Variants in ENOX2 observed in about 807,000 individuals in gnomAD.
The protein encoded by ENOX2 is ecto-NOX disulfide-thiol exchanger 2.
A neutral mutation model predicts 45.0 loss-of-function variants in ENOX2; 36 were observed. The observed-to-expected ratio is 0.80, with a 90% CI of 0.61 to 1.06. ENOX2 has a LOEUF of 1.06. ENOX2 is among the 50% of genes least tolerant of loss of function. The pLI, the probability that ENOX2 is intolerant of heterozygous loss-of-function variation, is 0.00. For missense variants in ENOX2, 423 were observed against 462.5 expected, an observed-to-expected ratio of 0.91 and a Z score of 0.78; for synonymous variants, 174 against 152.3, an observed-to-expected ratio of 1.14 and a Z score of -1.05.
At chrX:130,765,423 A>G (rs950293549) in intron 3 of ENOX2, among the ~76,000 whole-genome samples, 1 of 111,270 alleles carries the variant, frequency 9.0e-6, no homozygotes, top group African/African-American at 3.3e-5. Context: ...TAATCTCAAA[A>G]TTATATGTTT....
At chrX:130,834,656 T>A (rs891825428) in intron 2 of ENOX2, among the ~76,000 whole-genome samples, 4 of 111,394 alleles carry the variant, frequency 3.6e-5, no homozygotes, top group African/African-American at 9.8e-5. Context: ...ACATTGTTGC[T>A]TCCTGCAGAA....
intron 3 of ENOX2, among the ~76,000 whole-genome samples, chrX:130,730,747 G>A (rs941712517): frequency 1.8e-5 from 2 of 109,308 alleles, no homozygotes; most frequent in Non-Finnish European, 3.8e-5. Flanking sequence ...TCGAAGTGGT[G>A]GGGGGCAGAG....
intron 4 of ENOX2, among the ~76,000 whole-genome samples, chrX:130,701,024 T>C (rs1306976831): frequency 8.9e-6 from 1 of 112,344 alleles, no homozygotes; most frequent in East Asian, 2.8e-4. Context: ...GGGTCTGTAA[T>C]GATTGCTTGG....
intron 3 of ENOX2, among the ~76,000 whole-genome samples, chrX:130,737,964 G>C (rs1023304163): frequency 1.8e-5 from 2 of 112,139 alleles, no homozygotes; most frequent in Non-Finnish European, 3.8e-5. Flanking sequence ...GAGAGGACCA[G>C]AGAAGGAGCA....
At chrX:130,672,312 C>A (rs1261750332) in intron 6 of ENOX2, among the ~76,000 whole-genome samples, 2 of 112,320 alleles carry the variant, frequency 1.8e-5, no homozygotes, top group African/African-American at 6.5e-5. Flanking sequence ...TGGGGACCAG[C>A]CTGCCCTCCC....
rs2035893382 is a variant in ENOX2 at position 130,634,975 on chromosome X, T to G, written c.1419+9A>C. On this transcript the variant is annotated intron_variant, in intron 12 of 14. Coordinates refer to ENST00000394363, the MANE Select transcript of ENOX2 (RefSeq NM_006375.4). The stretch of plus-strand genomic sequence containing the variant: ...GGCAAGGAAAAAGGTTCACTTAGGG[T>G]GCATGTACCTTTTCTTTAAGATTTT... The G allele has an allele frequency of 1.0e-6, 1 of 988,629 alleles. No individual in the cohort carries two copies. The highest frequency in any genetic ancestry group is 1.9e-5 in the African/African-American group (1 of 53,129). 81.5% of individuals were successfully genotyped at this position (988,629 alleles called of 1,213,427 possible).
intron 2 of ENOX2, among the ~76,000 whole-genome samples, chrX:130,784,139 T>A (rs933567838): frequency 1.8e-5 from 2 of 111,532 alleles, no homozygotes; most frequent in African/African-American, 6.5e-5. Context: ...AATAGTAATA[T>A]AGGGGTCTCT....
intron 13 of ENOX2, 69 bp from the exon 14 acceptor site, chrX:130,628,112 T>C: frequency 1.4e-6 from 1 of 704,342 alleles, no homozygotes; most frequent in Non-Finnish European, 2.3e-6. Flanking sequence ...TGACAGTGAA[T>C]AGCAAGAGCT....
At chrX:130,731,804 C>G (rs756288356) in intron 3 of ENOX2, among the ~76,000 whole-genome samples, 2 of 111,620 alleles carry the variant, frequency 1.8e-5, no homozygotes, top group Non-Finnish European at 1.9e-5. Context: ...ATTCAACACC[C>G]TTTTTTGATA....
chrX:130,895,466 C>T (rs1305546120), intron 2 of ENOX2, among the ~76,000 whole-genome samples: 1 of 111,800 alleles, frequency 8.9e-6, no homozygotes, highest in East Asian at 2.8e-4. Flanking sequence ...GGGGATTTCT[C>T]CATCCTTATC....
At chrX:130,844,997 A>G (rs1217541611) in intron 2 of ENOX2, among the ~76,000 whole-genome samples, 1 of 112,170 alleles carries the variant, frequency 8.9e-6, no homozygotes, top group Non-Finnish European at 1.9e-5. Context: ...TCCTCTGTGG[A>G]CAAAGTTGAT....
At chrX:130,668,677 G>A (rs940829678) in intron 7 of ENOX2, among the ~76,000 whole-genome samples, 2 of 111,934 alleles carry the variant, frequency 1.8e-5, no homozygotes, top group Non-Finnish European at 3.8e-5. Context: ...AAACCCTTAT[G>A]TTAAATGGAA....
At chrX:130,771,074 A>G (rs188906578) in intron 3 of ENOX2, among the ~76,000 whole-genome samples, 3 of 111,853 alleles carry the variant, frequency 2.7e-5, no homozygotes, top group African/African-American at 9.7e-5. Context: ...CACTTATTAA[A>G]AAGAGGGAGA....
At chrX:130,706,698 G>A (rs1303324124) in intron 3 of ENOX2, among the ~76,000 whole-genome samples, 1 of 111,569 alleles carries the variant, frequency 9.0e-6, no homozygotes, top group Non-Finnish European at 1.9e-5. Context: ...TTGATTTTGG[G>A]CACAATAAGC....
In ENOX2 at chrX:130,652,133, C is replaced by G. The variant is rs1009418985; in HGVS notation, c.1129+4448G>C. Among the ~76,000 whole-genome samples, 74 of 112,238 alleles carry G rather than the reference C, an allele frequency of 6.6e-4. 1 individual carries two copies. Among genetic ancestry groups the G allele is most frequent in the African/African-American group, 2.3e-3 (72 of 30,926 alleles). ...TGTATTCTGGCCCCTACCTCTATCA[C>G]TCTACTAAAATAGCTCTTGCCCAGC... On this transcript the variant is annotated intron_variant, in intron 10 of 14. Transcript: ENST00000394363.
intron 5 of ENOX2, 115 bp downstream of exon 5, chrX:130,688,748 G>T (rs2037513031): frequency 1.6e-6 from 1 of 625,186 alleles, no homozygotes; most frequent in Non-Finnish European, 2.4e-6. Context: ...TGTTCTCTAG[G>T]TGAAGCTTTC....
At chrX:130,815,141 G>A (rs1391253504) in intron 2 of ENOX2, among the ~76,000 whole-genome samples, 1 of 111,476 alleles carries the variant, frequency 9.0e-6, no homozygotes, top group Non-Finnish European at 1.9e-5. Context: ...GAGGAAGAAA[G>A]GACATCAGAG....
At chrX:130,850,589 T>A (rs1249056380) in intron 2 of ENOX2, among the ~76,000 whole-genome samples, 2 of 112,174 alleles carry the variant, frequency 1.8e-5, no homozygotes, top group African/African-American at 6.5e-5. Flanking sequence ...ACCCATTAAG[T>A]TAGCATCCTC....
At chrX:130,849,033 G>A (rs973687113) in intron 2 of ENOX2, among the ~76,000 whole-genome samples, 18 of 112,018 alleles carry the variant, frequency 1.6e-4, no homozygotes, top group African/African-American at 5.2e-4. Context: ...AATGAAACTC[G>A]CATCTGTAGA....
Sources: gnomAD v4.1 joint callset for allele counts (sites outside exome capture counted in the v4.1 genomes callset) on GRCh38, gnomAD v4.1.1 for gene constraint, MANE v1.5 for transcripts, NCBI Gene and HGNC (gene_info 2026-07-23, HGNC 2026-07-21) for gene names.